The following CNTNAP5 variants were observed in gnomAD, a reference collection of about 807,000 sequenced individuals.
The protein encoded by CNTNAP5 is contactin associated protein family member 5, also known as contactin-associated protein-like 5.
A neutral mutation model predicts 150.2 loss-of-function variants in CNTNAP5; 72 were observed. That is an observed-to-expected ratio of 0.48 (90% CI 0.40 to 0.58). The LOEUF (loss-of-function observed/expected upper bound fraction) is 0.58. CNTNAP5 is among the 20% of genes least tolerant of loss of function. CNTNAP5 has a pLI of 0.00. For synonymous variants in CNTNAP5, 672 were observed against 619.8 expected (o/e 1.08, Z -1.25); for missense variants, 1,636 against 1,626.2 (o/e 1.01, Z -0.10).
At chr2:124,895,111 T>C (rs1216063192) in intron 21 of CNTNAP5, among the ~76,000 whole-genome samples, 1 of 151,530 alleles carries the variant, frequency 6.6e-6, no homozygotes, top group Non-Finnish European at 1.5e-5. Flanking sequence ...TGGTAGAAGG[T>C]TTGTTTACTG....
intron 13 of CNTNAP5, among the ~76,000 whole-genome samples, chr2:124,707,186 GAAGAAGAAGAAGAAGAAGAAT>G (rs1038230134): frequency 2.8e-5 from 4 of 144,272 alleles, no homozygotes; most frequent in East Asian, 2.3e-4. Flanking sequence ...AGAAGAAGAA[GAAGAAGAAGAAGAAGAAGAAT>G]AAACAACTTG....
chr2:124,736,010 C>A (rs1463377012), intron 13 of CNTNAP5, among the ~76,000 whole-genome samples: 1 of 152,152 alleles, frequency 6.6e-6, no homozygotes, highest in Non-Finnish European at 1.5e-5. Context: ...GCGGGCAGAT[C>A]ACCTGAGGTC....
In CNTNAP5 at chr2:124,370,946, GT is replaced by G. The variant is rs776561419; in HGVS notation, c.382-46494del. ...TTTTGTTTTAGAGTAAGTTTGAAGA[GT>G]TTATAGTCATGCAGAAATATTACAC... On this transcript the variant is annotated intron_variant, in intron 3 of 23. Coordinates refer to ENST00000682447, the MANE Select transcript of CNTNAP5 (RefSeq NM_001367498.1). Among the ~76,000 whole-genome samples, 259 of 152,240 alleles carry G rather than the reference GT, an allele frequency of 1.7e-3. 1 individual carries two copies. The highest frequency in any genetic ancestry group is 3.0e-3 in the Non-Finnish European group (207 of 68,006).
intron 1 of CNTNAP5, among the ~76,000 whole-genome samples, chr2:124,195,393 A>G (rs570507287): frequency 6.6e-6 from 1 of 152,192 alleles, no homozygotes; most frequent in Non-Finnish European, 1.5e-5. Context: ...TGCCAACTTC[A>G]TCTATAAAAG....
intron 17 of CNTNAP5, among the ~76,000 whole-genome samples, chr2:124,788,587 T>TTTTC (rs201590089): frequency 0.22 from 31,724 of 145,896 alleles, 3,614 homozygotes; most frequent in Non-Finnish European, 0.26. Context: ...TTTTCTTTCT[T>TTTTC]TTTCTTTCTT....
intron 1 of CNTNAP5, among the ~76,000 whole-genome samples, chr2:124,093,039 A>G (rs1682850826): frequency 6.6e-6 from 1 of 152,228 alleles, no homozygotes; most frequent in Non-Finnish European, 1.5e-5. Flanking sequence ...GTTGGAGCAC[A>G]TATTTTGTGA....
chr2:124,789,343 T>C (rs1376163502), intron 17 of CNTNAP5, among the ~76,000 whole-genome samples: 3 of 152,192 alleles, frequency 2.0e-5, no homozygotes, highest in African/African-American at 4.8e-5. Context: ...TTTTTGTATG[T>C]ATACGGAAAG....
At chr2:124,247,959 A>G (rs552979391) in intron 3 of CNTNAP5, among the ~76,000 whole-genome samples, 30 of 152,334 alleles carry the variant, frequency 2.0e-4, no homozygotes, top group African/African-American at 7.0e-4. Context: ...ACGCACATAT[A>G]CTAATAAGCT....
intron 19 of CNTNAP5, among the ~76,000 whole-genome samples, chr2:124,836,212 A>G (rs1309723454): frequency 6.6e-6 from 1 of 152,160 alleles, no homozygotes; most frequent in Non-Finnish European, 1.5e-5. Flanking sequence ...TTTACCTTGG[A>G]AAGCTCATGA....
At chr2:124,620,745 GCACACACACACACACA>G (rs3039903) in intron 12 of CNTNAP5, among the ~76,000 whole-genome samples, 10 of 103,716 alleles carry the variant, frequency 9.6e-5, no homozygotes, top group African/African-American at 1.9e-4. Context: ...ACACACACAT[GCACACACACACACACA>G]CACACACACA....
intron 3 of CNTNAP5, among the ~76,000 whole-genome samples, chr2:124,266,850 G>C (rs1358669): frequency 0.076 from 11,603 of 152,122 alleles, 610 homozygotes; most frequent in Non-Finnish European, 0.12. Context: ...CCTGGGAATG[G>C]CAAAAAGACA....
At chr2:124,251,298 C>G (rs548220549) in intron 3 of CNTNAP5, among the ~76,000 whole-genome samples, 3 of 151,668 alleles carry the variant, frequency 2.0e-5, no homozygotes, top group African/African-American at 7.3e-5. Flanking sequence ...CCCCACCCCC[C>G]CAAGTATTGG....
chr2:124,648,636 GA>G (rs71387238), intron 13 of CNTNAP5, among the ~76,000 whole-genome samples: 3 of 151,350 alleles, frequency 2.0e-5, no homozygotes, highest in East Asian at 1.9e-4. Context: ...CTTTGAAAAG[GA>G]AAAAAAACAA....
intron 21 of CNTNAP5, among the ~76,000 whole-genome samples, chr2:124,900,441 A>T (rs1678393520): frequency 6.6e-6 from 1 of 151,294 alleles, no homozygotes; most frequent in Non-Finnish European, 1.5e-5. Context: ...CCTATCAGGG[A>T]TTCTTGTTCT....
intron 3 of CNTNAP5, among the ~76,000 whole-genome samples, chr2:124,371,496 G>A (rs1025831179): frequency 1.3e-5 from 2 of 152,120 alleles, no homozygotes; most frequent in African/African-American, 4.8e-5. Context: ...TGGAAAATGA[G>A]GAGTTAAATA....
intron 3 of CNTNAP5, among the ~76,000 whole-genome samples, chr2:124,326,230 T>C (rs1689213264): frequency 6.6e-6 from 1 of 152,154 alleles, no homozygotes; most frequent in Admixed American, 6.5e-5. Flanking sequence ...GGATTACCAT[T>C]ACTCATAAGC....
intron 13 of CNTNAP5, among the ~76,000 whole-genome samples, chr2:124,690,024 A>G (rs1049565650): frequency 4.6e-5 from 7 of 151,512 alleles, no homozygotes; most frequent in Admixed American, 2.0e-4. Context: ...CTTACGGGAA[A>G]TTTTTTTTTG....
At chr2:124,334,888 G>A (rs930357559) in intron 3 of CNTNAP5, among the ~76,000 whole-genome samples, 1 of 151,960 alleles carries the variant, frequency 6.6e-6, no homozygotes, top group Non-Finnish European at 1.5e-5. Flanking sequence ...CGACAATTAG[G>A]ATCTCCGATG....
intron 4 of CNTNAP5, among the ~76,000 whole-genome samples, chr2:124,418,358 T>C (rs1266639831): frequency 1.3e-5 from 2 of 152,142 alleles, no homozygotes; most frequent in African/African-American, 4.8e-5. Flanking sequence ...TAGATTCCTG[T>C]TTTGGGCTGT....
Sources: allele counts gnomAD v4.1 joint callset (sites outside exome capture counted in the v4.1 genomes callset), GRCh38; gene constraint gnomAD v4.1.1; transcripts MANE v1.5; gene names NCBI Gene and HGNC (gene_info 2026-07-23, HGNC 2026-07-21).